Variants in TBXT observed in about 807,000 individuals in gnomAD.
TBXT encodes T brachyury transcription factor.
TBXT carries 19 observed loss-of-function variants against 41.1 expected under a neutral mutation model. The observed-to-expected ratio is 0.46, with a 90% CI of 0.32 to 0.68. The LOEUF is 0.68. Ranked by LOEUF, TBXT falls within the 30% of genes least tolerant of loss-of-function variation. The pLI is 0.03. For missense variants in TBXT, 536 were observed against 582.0 expected, an observed-to-expected ratio of 0.92 and a Z score of 0.81; for synonymous variants, 213 against 238.9, an observed-to-expected ratio of 0.89 and a Z score of 1.00.
chr6:166,161,918 G>C (rs959512928), intron 6 of TBXT, among the ~76,000 whole-genome samples: 1 of 140,828 alleles, frequency 7.1e-6, no homozygotes, highest in Non-Finnish European at 1.6e-5. Context: ...GCGAGACTCC[G>C]TCTCAAAAAA....
In TBXT at chr6:166,160,845, G is replaced by A. The variant is rs200600273; in HGVS notation, c.1029C>T (p.Thr343=). Residue 343 remains threonine, a synonymous_variant, in exon 7 of 8, where the codon ACC becomes ACT. Transcript: ENST00000366876. ...TCCTGGACATACATTACCTGGAGCTGGTAGGTGGGCTGGCATTGTGGCTCA... is the reference window on the plus strand; with the variant it reads ...TCCTGGACATACATTACCTGGAGCTAGTAGGTGGGCTGGCATTGTGGCTCA... The part of the protein sequence containing the change: ...LPVSHNASPP[T]SSSQYPSLWS... 1.2e-6 allele frequency: 2 copies of A among 1,614,140 alleles called. No homozygotes were observed. The highest frequency in any genetic ancestry group is 1.7e-6 in the Non-Finnish European group (2 of 1,180,030).
chr6:166,167,247 G>T (rs1779146793), intron 1 of TBXT, 139 bp downstream of exon 1: 13 of 986,200 alleles, frequency 1.3e-5, no homozygotes, highest in Non-Finnish European at 2.0e-5. Context: ...ATGCACTCGA[G>T]GGAGTTAACC....
chr6:166,160,346 C>T (rs1778916158), intron 7 of TBXT, among the ~76,000 whole-genome samples: 1 of 152,204 alleles, frequency 6.6e-6, no homozygotes, highest in Non-Finnish European at 1.5e-5. Flanking sequence ...CCAATAAACT[C>T]ATTTCCTTCA....
In TBXT at chr6:166,162,591, G is replaced by C. The variant is rs3127336; in HGVS notation, c.763C>G (p.Leu255Val). Residue 255 changes from leucine to valine, a missense_variant, in exon 6 of 8, where the codon CTG (leucine) becomes GTG (valine). Leu to Val is a conservative substitution (Grantham distance 32). Coordinates refer to ENST00000366876, the MANE Select transcript of TBXT (RefSeq NM_001366285.2). Reference sequence around the variant, plus strand: ...GGATGAGGATTTGCAGGTGGACACAGGGTGCTGGTTCCAGGAAGAAGCCAC... The same window carrying C: ...GGATGAGGATTTGCAGGTGGACACACGGTGCTGGTTCCAGGAAGAAGCCAC... The part of the protein sequence containing the change: ...GGWLLPGTST[L>V]CPPANPHPQF... 1 of 1,613,976 alleles carries C rather than the reference G, an allele frequency of 6.2e-7. No homozygotes were observed. The highest frequency in any genetic ancestry group is 2.2e-5 in the East Asian group (1 of 44,872).
At position 166,167,414 on chromosome 6, in the gene TBXT, T is replaced by C; in HGVS notation, c.178A>G (p.Asn60Asp). ...CCGTTCTTGGTCACGATCATCTCATTGGTGAGCTCCTTGAAGCGCAGCCAC... is the reference window on the plus strand; with the variant it reads ...CCGTTCTTGGTCACGATCATCTCATCGGTGAGCTCCTTGAAGCGCAGCCAC... ...ELWLRFKELTNEMIVTKNGRR... is the reference protein window; with the variant it reads ...ELWLRFKELTDEMIVTKNGRR... Residue 60 changes from asparagine to aspartate, a missense_variant, in exon 1 of 8, where the codon AAT becomes GAT. By Grantham distance (23) the Asn-to-Asp change is conservative (BLOSUM62 1). Coordinates refer to ENST00000366876, the MANE Select transcript of TBXT (RefSeq NM_001366285.2). 1 of 1,613,192 alleles carries C rather than the reference T, an allele frequency of 6.2e-7. No individual in the cohort carries two copies. Among genetic ancestry groups the C allele is most frequent in the Non-Finnish European group, 8.5e-7 (1 of 1,179,918 alleles).
intron 7 of TBXT, 33 bp from the exon 8 acceptor site, chr6:166,158,621 G>A: frequency 1.4e-6 from 2 of 1,469,488 alleles, no homozygotes; most frequent in Non-Finnish European, 9.0e-7. Context: ...AGCAGGGCCT[G>A]GGCAGGGGCT....
intron 3 of TBXT, 39 bp from the exon 4 acceptor site, chr6:166,164,900 A>G (rs1404077440): frequency 4.5e-6 from 7 of 1,550,118 alleles, no homozygotes; most frequent in South Asian, 1.1e-5. Flanking sequence ...TATATTCCCT[A>G]TTAGCCAGGG....
Position 166,167,546 on chromosome 6 carries a change from G to C in TBXT, c.46C>G (p.Arg16Gly), listed in dbSNP as rs748415738. The change falls in exon 1 of 8, where the codon CGA (arginine) becomes GGA (glycine). Residue 16 changes from arginine to glycine, a missense_variant. Coordinates refer to ENST00000366876, the MANE Select transcript of TBXT (RefSeq NM_001366285.2). ...TESAGKSLQYRVDHLLSAVEN... is the reference protein window; with the variant it reads ...TESAGKSLQYGVDHLLSAVEN... ...ACGGCGCTCAGCAGGTGGTCCACTC[G>C]GTACTGCAGGCTCTTTCCCGCGCTC... 6.9e-6 allele frequency: 11 copies of C among 1,593,108 alleles called. No individual in the cohort carries two copies. The highest frequency in any genetic ancestry group is 9.4e-6 in the Non-Finnish European group (11 of 1,174,796).
intron 6 of TBXT, 22 bp downstream of exon 6, chr6:166,162,425 C>A: frequency 6.2e-7 from 1 of 1,614,030 alleles, no homozygotes; most frequent in Middle Eastern, 1.7e-4. Context: ...CAACCCCTGG[C>A]AGAATGAGGC....
chr6:166,168,031 C>G (rs949793195), upstream of TBXT, among the ~76,000 whole-genome samples: 3 of 152,104 alleles, frequency 2.0e-5, no homozygotes, highest in African/African-American at 7.2e-5. Flanking sequence ...GGCTCCCGCA[C>G]GCCTGTTTCA....
In TBXT at chr6:166,158,004, A is replaced by G. The variant is rs1778831702; in HGVS notation, c.*311T>C. ...CAATACACTGTATGAGAAATAAACC[A>G]AAAAAAGTTTCTGGACCCTGGCAAA... On this transcript the variant is annotated 3_prime_UTR_variant, in exon 8 of 8. Coordinates refer to ENST00000366876, the MANE Select transcript of TBXT (RefSeq NM_001366285.2). 2 of 500,020 alleles carry G rather than the reference A, an allele frequency of 4.0e-6. No homozygotes were observed. Among genetic ancestry groups the G allele is most frequent in the Non-Finnish European group, 7.3e-6 (2 of 275,418 alleles). 31.0% of individuals were successfully genotyped at this position (500,020 alleles called of 1,614,324 possible). A position where few individuals can be genotyped will look rare whatever the true frequency, so the allele number is the denominator to read the frequency against.
chr6:166,167,642 C>T lies in TBXT; in HGVS notation c.-51G>A. On this transcript the variant is annotated 5_prime_UTR_variant, in exon 1 of 8. Transcript: ENST00000366876. Reference sequence around the variant, plus strand: ...CGTCCCCGAAGCCCAGACTCGCTACCTGAGATCCACCTTCCCTGCTCTTGG... The same window carrying T: ...CGTCCCCGAAGCCCAGACTCGCTACTTGAGATCCACCTTCCCTGCTCTTGG... 1 of 1,536,786 alleles carries T rather than the reference C, an allele frequency of 6.5e-7. No individual in the cohort carries two copies. Among genetic ancestry groups the T allele is most frequent in the Non-Finnish European group, 8.7e-7 (1 of 1,146,470 alleles).
chr6:166,167,744 C>A lies in TBXT; in HGVS notation c.-153G>T. The A allele has an allele frequency of 1.0e-6, 1 of 977,014 alleles. No individual in the cohort carries two copies. Among genetic ancestry groups the A allele is most frequent in the Admixed American group, 2.4e-5 (1 of 41,832 alleles). The allele number at this position is 977,014 out of a possible 1,614,324, so 60.5% of individuals were successfully genotyped here. On this transcript the variant is annotated 5_prime_UTR_variant, in exon 1 of 8. Coordinates refer to ENST00000366876, the MANE Select transcript of TBXT (RefSeq NM_001366285.2). ...CCCGGGTCCCGGGTCCCGGCACAGA[C>A]CCGGGAGGAGGGCGCGGACCAAGAC...
intron 7 of TBXT, among the ~76,000 whole-genome samples, chr6:166,160,049 T>G (rs2128521551): frequency 6.6e-6 from 1 of 152,346 alleles, no homozygotes; most frequent in East Asian, 1.9e-4. Flanking sequence ...GCATTGCCTT[T>G]GAGGTCAAGA....
intron 2 of TBXT, 147 bp downstream of exon 2, chr6:166,166,445 G>A (rs778108695): frequency 1.1e-5 from 14 of 1,260,366 alleles, no homozygotes; most frequent in East Asian, 2.3e-5. Flanking sequence ...CAGCGCTAAA[G>A]GCCTTATTAG....
intron 6 of TBXT, among the ~76,000 whole-genome samples, chr6:166,161,455 T>G (rs957391197): frequency 2.6e-5 from 4 of 152,242 alleles, no homozygotes; most frequent in Non-Finnish European, 4.4e-5. Context: ...CAAATCAGCT[T>G]TAATTGCTTA....
At chr6:166,159,255 A>T (rs555876864) in intron 7 of TBXT, among the ~76,000 whole-genome samples, 2 of 152,268 alleles carry the variant, frequency 1.3e-5, no homozygotes, top group Non-Finnish European at 2.9e-5. Flanking sequence ...GATAGTCTCA[A>T]CCAAAAGTTA....
chr6:166,167,343 C>A lies in TBXT; in HGVS notation c.206+43G>T, dbSNP rs372468805. 23 of 1,608,652 alleles carry A rather than the reference C, an allele frequency of 1.4e-5. No homozygotes were observed. In the African/African-American group the frequency reaches 3.1e-4, roughly 21 times the overall value. On this transcript the variant is annotated intron_variant, in intron 1 of 7. Coordinates refer to ENST00000366876, the MANE Select transcript of TBXT (RefSeq NM_001366285.2). ...TGCCAGGTCCCCCAGGCTGCCCAGG[C>A]GCTGGAGAGCGCGGCGCGCGCGGGC... is the stretch of plus-strand genomic sequence containing the variant.
rs1298145775 is a variant in TBXT, at chr6:166,161,590, T to TA, written c.908-625dup. On this transcript the variant is annotated intron_variant, in intron 6 of 7. Transcript: ENST00000366876. ...TCTTTATGGTCTATCCCAGTGTTCC[T>TA]AATATTGGAGCATGCATCGGAATGG... Among the ~76,000 whole-genome samples, 11 of 152,342 alleles carry TA rather than the reference T, an allele frequency of 7.2e-5. No homozygotes were observed. In the South Asian group the frequency reaches 2.1e-3, roughly 29 times the overall value.
Sources: gnomAD v4.1 joint callset for allele counts (sites outside exome capture counted in the v4.1 genomes callset) on GRCh38, gnomAD v4.1.1 for gene constraint, MANE v1.5 for transcripts, NCBI Gene and HGNC (gene_info 2026-07-23, HGNC 2026-07-21) for gene names.